The following C12orf54 variants were observed in gnomAD, a reference collection of about 807,000 sequenced individuals.
C12orf54 encodes the protein uncharacterized protein C12orf54.
Under a neutral mutation model 26.4 loss-of-function variants are expected in C12orf54, and 24 were observed. The ratio of observed to expected loss-of-function variants is 0.91; its 90% CI spans 0.66 to 1.28. The LOEUF is 1.28. Ranked by LOEUF, C12orf54 falls within the 50% of genes most tolerant of loss-of-function variation. The pLI is 0.00. For synonymous variants in C12orf54, 54 were observed against 47.0 expected (o/e 1.15, Z -0.61); for missense variants, 154 against 150.9 (o/e 1.02, Z -0.11).
chr12:48,464,105 G>C, the C12orf54 span, among the ~76,000 whole-genome samples: 1 of 151,830 alleles, frequency 6.6e-6, no homozygotes, highest in Admixed American at 6.6e-5. Context: ...AGAAATAAAG[G>C]GCATCCAAAT....
At chr12:48,436,069 C>T in the C12orf54 span, among the ~76,000 whole-genome samples, 4 of 151,988 alleles carry the variant, frequency 2.6e-5, no homozygotes, top group African/African-American at 9.7e-5. Flanking sequence ...GGAAGATCTA[C>T]CAAGCAAATG....
At chr12:48,472,867 A>G in the C12orf54 span, 1 of 1,614,102 alleles carries the variant, frequency 6.2e-7, no homozygotes, top group Non-Finnish European at 8.5e-7. Flanking sequence ...AAACTTAAGA[A>G]GCTTGAACTA....
chr12:48,488,289 A>G, intron 4 of C12orf54: 1 of 567,056 alleles, frequency 1.8e-6, no homozygotes, highest in East Asian at 3.4e-5. Context: ...GCGATCTGGA[A>G]GACTTACAAG....
the C12orf54 span, among the ~76,000 whole-genome samples, chr12:48,435,547 A>G: frequency 6.6e-6 from 1 of 152,254 alleles, no homozygotes; most frequent in East Asian, 1.9e-4. Context: ...AGCCCATCAG[A>G]CTAACAGCTG....
At chr12:48,488,347 G>A (rs1461487978) in intron 4 of C12orf54, 4 of 515,560 alleles carry the variant, frequency 7.8e-6, no homozygotes, top group Non-Finnish European at 1.1e-5. Context: ...GTGCCCCCTG[G>A]TGCCGACAAG....
the C12orf54 span, among the ~76,000 whole-genome samples, chr12:48,433,407 C>G: frequency 6.0e-5 from 9 of 149,772 alleles, no homozygotes; most frequent in African/African-American, 2.2e-4. Context: ...TTTCTTGACT[C>G]ACAACTTACA....
chr12:48,422,573 ATTGT>A, the C12orf54 span, among the ~76,000 whole-genome samples: 2 of 152,162 alleles, frequency 1.3e-5, no homozygotes, highest in East Asian at 1.9e-4. Flanking sequence ...TGTACTAGAA[ATTGT>A]TTGTCATATC....
intron 4 of C12orf54, chr12:48,487,802 T>G (rs915176724): frequency 4.4e-6 from 2 of 456,718 alleles, no homozygotes; most frequent in Non-Finnish European, 7.8e-6. Flanking sequence ...ACAACCATCT[T>G]AAAGTTCTCA....
the C12orf54 span, among the ~76,000 whole-genome samples, chr12:48,450,350 T>G: frequency 6.6e-6 from 1 of 152,088 alleles, no homozygotes; most frequent in African/African-American, 2.4e-5. Flanking sequence ...AAGAGGGAAA[T>G]GTATAACACT....
chr12:48,433,657 CAGG>C, the C12orf54 span, among the ~76,000 whole-genome samples: 1 of 152,136 alleles, frequency 6.6e-6, no homozygotes, highest in African/African-American at 2.4e-5. Flanking sequence ...CCATGTTAGC[CAGG>C]ATGGTCTTGA....
chr12:48,425,150 G>T, the C12orf54 span, among the ~76,000 whole-genome samples: 9 of 151,860 alleles, frequency 5.9e-5, no homozygotes, highest in African/African-American at 2.2e-4. Context: ...GGTGTCACAG[G>T]GATTTGTTGT....
the C12orf54 span, chr12:48,473,439 T>C: frequency 1.4e-5 from 9 of 633,392 alleles, no homozygotes; most frequent in East Asian, 3.2e-4. Context: ...TTTGAAAAAT[T>C]CCTTTTGTGA....
chr12:48,471,490 A>C, the C12orf54 span, among the ~76,000 whole-genome samples: 1 of 152,036 alleles, frequency 6.6e-6, no homozygotes, highest in South Asian at 2.1e-4. Flanking sequence ...TGCATTTAAA[A>C]CTTTAATCCA....
At chr12:48,475,241 A>G in the C12orf54 span, among the ~76,000 whole-genome samples, 27 of 152,158 alleles carry the variant, frequency 1.8e-4, no homozygotes, top group Non-Finnish European at 2.9e-4. Context: ...CCAAAAACCC[A>G]TCTGTATGTC....
the C12orf54 span, among the ~76,000 whole-genome samples, chr12:48,474,746 G>C: frequency 4.3e-3 from 650 of 152,360 alleles, 3 homozygotes; most frequent in African/African-American, 0.015. Flanking sequence ...CAAAGCAGCC[G>C]GGAAGCACGA....
At chr12:48,481,645 G>A (rs115740617), upstream of C12orf54, among the ~76,000 whole-genome samples, 1,618 of 152,190 alleles carry the variant, frequency 0.011, 25 homozygotes, top group African/African-American at 0.036. Flanking sequence ...GCATTTTGTC[G>A]CAGGTTGCAT....
At chr12:48,470,337 C>T in the C12orf54 span, among the ~76,000 whole-genome samples, 8 of 152,168 alleles carry the variant, frequency 5.3e-5, no homozygotes, top group South Asian at 2.1e-4. Flanking sequence ...GTCTTTTCTC[C>T]GCAGCCTCAC....
chr12:48,428,278 A>T, the C12orf54 span, among the ~76,000 whole-genome samples: 2 of 151,876 alleles, frequency 1.3e-5, no homozygotes, highest in Admixed American at 1.3e-4. Flanking sequence ...AAAACAACAA[A>T]CCAAACCCAA....
the C12orf54 span, among the ~76,000 whole-genome samples, chr12:48,446,216 G>A: frequency 6.6e-6 from 1 of 152,124 alleles, no homozygotes; most frequent in Non-Finnish European, 1.5e-5. Flanking sequence ...TGTTTTTTAA[G>A]ACCTTTTTTG....
Sources: gnomAD v4.1 joint callset for allele counts (sites outside exome capture counted in the v4.1 genomes callset) on GRCh38, gnomAD v4.1.1 for gene constraint, MANE v1.5 for transcripts, NCBI Gene and HGNC (gene_info 2026-07-23, HGNC 2026-07-21) for gene names.